CASZ1: variants seen among roughly 807,000 people sequenced by gnomAD.
CASZ1 encodes the protein castor zinc finger 1.
In CASZ1, 28 loss-of-function variants were observed where a neutral mutation model predicts 135.2. The observed-to-expected ratio is 0.21, with a 90% confidence interval of 0.15 to 0.28. The LOEUF is 0.28. Among genes scored for constraint, CASZ1 ranks in the 10% least tolerant of loss-of-function variants. CASZ1 has a pLI of 1.00. For missense variants in CASZ1, 2,161 were observed against 2,453.3 expected, an observed-to-expected ratio of 0.88 and a Z score of 2.52; for synonymous variants, 1,068 against 1,073.4, an observed-to-expected ratio of 0.99 and a Z score of 0.10.
rs1043200706 is a variant in CASZ1, at chr1:10,757,933, C to T, written c.-77+2768G>A. Among the ~76,000 whole-genome samples, 6 of 152,224 alleles carry T rather than the reference C, an allele frequency of 3.9e-5. No individual in the cohort carries two copies. Among genetic ancestry groups the T allele is most frequent in the Middle Eastern group, 3.2e-3 (1 of 316 alleles). On this transcript the variant is annotated intron_variant, in intron 2 of 20. Coordinates refer to ENST00000377022, the MANE Select transcript of CASZ1 (RefSeq NM_001079843.3). This position sits in a 1 kb window ranked among gnomAD's most constrained non-coding sequence, Gnocchi z 4.6. ...CACCTCCTGACACCCACCTCATCCA[C>T]GTCCCCATCCACGTCCTGGCCACTC...
At chr1:10,693,760 C>A in intron 4 of CASZ1, 114 bp downstream of exon 4, 1 of 778,826 alleles carries the variant, frequency 1.3e-6, no homozygotes, top group Non-Finnish European at 2.2e-6. Flanking sequence ...CCGCCCGACC[C>A]TCCCGGCCCC....
intron 6 of CASZ1, 92 bp from the exon 7 acceptor site, chr1:10,658,668 C>T: frequency 8.9e-7 from 1 of 1,123,270 alleles, no homozygotes; most frequent in Non-Finnish European, 1.3e-6. Context: ...CCCTGAGGCC[C>T]CAGCCCCTCT....
At position 10,649,183 on chromosome 1, in the gene CASZ1, T is replaced by G. The variant is rs1642472128; in HGVS notation, c.3045A>C (p.Thr1015=). 6.2e-7 allele frequency: 1 copy of G among 1,613,672 alleles called. No individual in the cohort carries two copies. The highest frequency in any genetic ancestry group is 8.5e-7 in the Non-Finnish European group (1 of 1,180,000). The stretch of plus-strand genomic sequence containing the variant: ...CACACTGGCCGTCACAGAAGTCCTT[T>G]GTACCAAACCTAGCCAGAGGAGCTG... ...PWKVYLRRFG[T]KDFCDGQCDF... is the part of the protein sequence containing the mutation. The change falls in exon 15 of 21, where the codon ACA becomes ACC. Residue 1015 remains threonine, a synonymous_variant. Transcript: ENST00000377022.
intron 20 of CASZ1, among the ~76,000 whole-genome samples, chr1:10,641,446 G>A (rs947798503): frequency 1.3e-5 from 2 of 152,208 alleles, no homozygotes; most frequent in Non-Finnish European, 2.9e-5. Flanking sequence ...GGGAGGGGGC[G>A]GGCAGATGCC....
Position 10,727,966 on chromosome 1 carries a change from G to A in CASZ1, c.-76-22422C>T, listed in dbSNP as rs1639628000. Reference sequence around the variant, plus strand: ...CCCCGGGCGCGATGCCACGTGCCCAGAAACTGGGCATCTGCTGGCACAGCA... The same window carrying A: ...CCCCGGGCGCGATGCCACGTGCCCAAAAACTGGGCATCTGCTGGCACAGCA... On this transcript the variant is annotated intron_variant, in intron 2 of 20. Transcript: ENST00000377022. This position sits in a 1 kb window ranked among gnomAD's most constrained non-coding sequence, Gnocchi z 5.3. Among the ~76,000 whole-genome samples, 1 of 152,234 alleles carries A rather than the reference G, an allele frequency of 6.6e-6. No homozygotes were observed. Among genetic ancestry groups the A allele is most frequent in the Non-Finnish European group, 1.5e-5 (1 of 68,036 alleles).
At chr1:10,751,968 G>C (rs539244009) in intron 2 of CASZ1, among the ~76,000 whole-genome samples, 24 of 152,290 alleles carry the variant, frequency 1.6e-4, no homozygotes, top group South Asian at 4.1e-4. Flanking sequence ...TCTAGGATGT[G>C]AGGGGTCACC....
intron 1 of CASZ1, among the ~76,000 whole-genome samples, chr1:10,781,849 G>C (rs1257627969): frequency 6.6e-6 from 1 of 152,210 alleles, no homozygotes; most frequent in African/African-American, 2.4e-5. Context: ...AAGTGAGAAA[G>C]CTGAGGCTGA....
rs1640070134 is a variant in CASZ1, at chr1:10,747,733, G to C, written c.-77+12968C>G. 6.6e-6 allele frequency among the ~76,000 whole-genome samples: 1 copy of C among 152,072 alleles called. No homozygotes were observed. Among genetic ancestry groups the C allele is most frequent in the Non-Finnish European group, 1.5e-5 (1 of 68,002 alleles). ...GGTCACTGCAGCTGCCTGGAATTAG[G>C]GGTGTCTCACCACACCTAGCTCCCC... On this transcript the variant is annotated intron_variant, in intron 2 of 20. Coordinates refer to ENST00000377022, the MANE Select transcript of CASZ1 (RefSeq NM_001079843.3). The surrounding 1 kb of genome is among the most constrained non-coding windows in gnomAD (Gnocchi z 4.3).
At position 10,657,095 on chromosome 1, in the gene CASZ1, G is replaced by A. The variant is rs1642825888; in HGVS notation, c.1410-359C>T. On this transcript the variant is annotated intron_variant, in intron 7 of 20. Coordinates refer to ENST00000377022, the MANE Select transcript of CASZ1 (RefSeq NM_001079843.3). The surrounding 1 kb of genome is among the most constrained non-coding windows in gnomAD (Gnocchi z 5.7). The stretch of plus-strand genomic sequence containing the variant: ...TCCCAGCCCGCCCAGTTCTGGCCAG[G>A]TGCAGAGACCCTGGCTGGGCCAGCC... 6.6e-6 allele frequency among the ~76,000 whole-genome samples: 1 copy of A among 152,248 alleles called. No homozygotes were observed. The highest frequency in any genetic ancestry group is 1.5e-5 in the Non-Finnish European group (1 of 68,042).
intron 4 of CASZ1, among the ~76,000 whole-genome samples, chr1:10,669,790 G>A (rs933064950): frequency 9.2e-5 from 14 of 152,146 alleles, no homozygotes; most frequent in African/African-American, 3.1e-4. Flanking sequence ...TGTCCCAGGG[G>A]GCCGGGCAGG....
intron 17 of CASZ1, among the ~76,000 whole-genome samples, chr1:10,645,627 G>A (rs1250911689): frequency 1.3e-5 from 2 of 152,120 alleles, no homozygotes; most frequent in Admixed American, 6.6e-5. Flanking sequence ...CAGACATCGC[G>A]AATCTATTTT....
chr1:10,702,962 C>CAGAGAGAGAGAGAG (rs142859359), intron 3 of CASZ1, among the ~76,000 whole-genome samples: 2 of 142,802 alleles, frequency 1.4e-5, no homozygotes, highest in Non-Finnish European at 3.1e-5. Flanking sequence ...GAGGGAGAGG[C>CAGAGAGAGAGAGAG]AGAGAGAGAG....
intron 5 of CASZ1, among the ~76,000 whole-genome samples, chr1:10,664,025 C>A (rs1209357705): frequency 6.6e-6 from 1 of 152,360 alleles, no homozygotes; most frequent in South Asian, 2.1e-4. Flanking sequence ...ACGGCAAGGG[C>A]TTTTCCTATC....
At position 10,706,517 on chromosome 1, in the gene CASZ1, C is replaced by A. The variant is rs1639176275; in HGVS notation, c.-76-973G>T. On this transcript the variant is annotated intron_variant, in intron 2 of 20. Transcript: ENST00000377022. This position sits in a 1 kb window ranked among gnomAD's most constrained non-coding sequence, Gnocchi z 4.3. ...CACCAATTTCCTTAGGCTATGTAAT[C>A]CCCAAATCAGATTGGGGGGATTGTG... Among the ~76,000 whole-genome samples the A allele has an allele frequency of 6.6e-6, 1 of 152,212 alleles. No individual in the cohort carries two copies. The highest frequency in any genetic ancestry group is 1.5e-5 in the Non-Finnish European group (1 of 68,032).
chr1:10,674,465 C>T (rs1195952844), intron 4 of CASZ1, among the ~76,000 whole-genome samples: 2 of 152,272 alleles, frequency 1.3e-5, no homozygotes, highest in African/African-American at 4.8e-5. Flanking sequence ...CACCGTGGGG[C>T]ACCTGGGCTT....
rs955631565 is a variant in CASZ1 at position 10,701,639 on chromosome 1, C to T, written c.-24+3853G>A. Among the ~76,000 whole-genome samples, 7 of 152,206 alleles carry T rather than the reference C, an allele frequency of 4.6e-5. No individual in the cohort carries two copies. Among genetic ancestry groups the T allele is most frequent in the African/African-American group, 1.2e-4 (5 of 41,452 alleles). On this transcript the variant is annotated intron_variant, in intron 3 of 20. Transcript: ENST00000377022. This position sits in a 1 kb window ranked among gnomAD's most constrained non-coding sequence, Gnocchi z 6.3. ...GCTAAGGGGAGCTTCTGTCCTGCTC[C>T]TCCAGCCTGACACTAATGTATTCAA...
In CASZ1 at chr1:10,682,907, C is replaced by G. The variant is rs564024468; in HGVS notation, c.16+10967G>C. On this transcript the variant is annotated intron_variant, in intron 4 of 20. Transcript: ENST00000377022. ...TGCGCTTGGTGTGGCTGGGCCGGGG[C>G]CTGTCATCCCCCTGCTTCTTGTGCC... is the stretch of plus-strand genomic sequence containing the variant. Among the ~76,000 whole-genome samples the G allele has an allele frequency of 8.6e-4, 131 of 152,378 alleles. 1 individual carries two copies. The highest frequency in any genetic ancestry group is 2.9e-3 in the African/African-American group (119 of 41,592).
rs1156955592 is a variant in CASZ1, at chr1:10,717,119, G to A, written c.-76-11575C>T. Among the ~76,000 whole-genome samples the A allele has an allele frequency of 1.3e-5, 2 of 152,166 alleles. No individual in the cohort carries two copies. The highest frequency in any genetic ancestry group is 6.5e-5 in the Admixed American group (1 of 15,288). On this transcript the variant is annotated intron_variant, in intron 2 of 20. Transcript: ENST00000377022. This position sits in a 1 kb window ranked among gnomAD's most constrained non-coding sequence, Gnocchi z 4.6. Reference sequence around the variant, plus strand: ...GACAGACGGCCAGCGAGGACACTGGGGAGGGCGTGTCTCCTTAATAAGCCC... The same window carrying A: ...GACAGACGGCCAGCGAGGACACTGGAGAGGGCGTGTCTCCTTAATAAGCCC...
chr1:10,649,021 G>A (rs201086112), intron 15 of CASZ1, 49 bp downstream of exon 15: 324 of 1,597,132 alleles, frequency 2.0e-4, no homozygotes, highest in Admixed American at 5.2e-4. Context: ...CCAGAGCCAG[G>A]CTGGGATCCG....
Sources: allele counts gnomAD v4.1 joint callset (sites outside exome capture counted in the v4.1 genomes callset), GRCh38; gene constraint gnomAD v4.1.1; non-coding constraint Gnocchi (gnomAD v3.1); transcripts MANE v1.5; gene names NCBI Gene and HGNC (gene_info 2026-07-23, HGNC 2026-07-21).